The following PARN variants were observed in gnomAD, a reference collection of about 807,000 sequenced individuals.
PARN encodes the protein poly(A)-specific ribonuclease PARN.
Under a neutral mutation model 102.8 loss-of-function variants are expected in PARN, and 71 were observed. The ratio of observed to expected loss-of-function variants is 0.69; its 90% CI spans 0.57 to 0.84. The LOEUF is 0.84. PARN is among the 40% of genes least tolerant of loss of function. PARN has a pLI of 0.00. For missense variants in PARN, 782 were observed against 760.9 expected (o/e 1.03, Z -0.33); for synonymous variants, 261 against 252.9 (o/e 1.03, Z -0.30).
intron 22 of PARN, among the ~76,000 whole-genome samples, chr16:14,479,807 G>A (rs1246054836): frequency 1.3e-5 from 2 of 151,482 alleles, no homozygotes; most frequent in Non-Finnish European, 2.9e-5. Flanking sequence ...GGAAGAATCA[G>A]ATAGTCATAT....
intron 10 of PARN, among the ~76,000 whole-genome samples, 194 bp from the exon 11 acceptor site, chr16:14,604,420 C>A (rs1971065580): frequency 6.6e-6 from 1 of 151,840 alleles, no homozygotes; most frequent in African/African-American, 2.4e-5. Flanking sequence ...GCCACCACAC[C>A]CGGCTAATTT....
At chr16:14,544,132 C>T (rs1737002751) in intron 21 of PARN, among the ~76,000 whole-genome samples, 1 of 152,054 alleles carries the variant, frequency 6.6e-6, no homozygotes, top group Non-Finnish European at 1.5e-5. Context: ...GTGGAGGTTG[C>T]GGTGAGCCAA....
rs754335361 is a variant in PARN at position 14,457,460 on chromosome 16, C to T, written c.1671-10379G>A. 2.6e-5 allele frequency among the ~76,000 whole-genome samples: 4 copies of T among 152,018 alleles called. 1 individual carries two copies. Among genetic ancestry groups the T allele is most frequent in the Non-Finnish European group, 5.9e-5 (4 of 68,008 alleles). On this transcript the variant is annotated intron_variant, in intron 22 of 23. Transcript: ENST00000437198. Reference sequence around the variant, plus strand: ...CCTATGCTCAGTTCAGAAGCCAAACCCTCGGAGATCACTGATAAACCAGGA... The same window carrying T: ...CCTATGCTCAGTTCAGAAGCCAAACTCTCGGAGATCACTGATAAACCAGGA...
intron 5 of PARN, among the ~76,000 whole-genome samples, chr16:14,620,735 A>G (rs1676867246): frequency 6.6e-6 from 1 of 152,208 alleles, no homozygotes; most frequent in Admixed American, 6.6e-5. Context: ...TGAGGTCTCT[A>G]TTCTGGGGAA....
chr16:14,597,913 G>A (rs546882023), intron 12 of PARN, among the ~76,000 whole-genome samples: 2 of 152,084 alleles, frequency 1.3e-5, no homozygotes, highest in Admixed American at 1.3e-4. Context: ...GGAGGCTGAA[G>A]AAGGCAGATT....
At chr16:14,613,391 G>C (rs1295074383) in intron 6 of PARN, among the ~76,000 whole-genome samples, 2 of 151,800 alleles carry the variant, frequency 1.3e-5, no homozygotes, top group Non-Finnish European at 2.9e-5. Context: ...GGAGGCTGAG[G>C]AGGGCGCATC....
At chr16:14,539,734 TA>T (rs1358835236) in intron 21 of PARN, among the ~76,000 whole-genome samples, 3 of 152,218 alleles carry the variant, frequency 2.0e-5, no homozygotes, top group Admixed American at 1.3e-4. Flanking sequence ...CAGACTGAGG[TA>T]TTTTATAAGC....
chr16:14,500,114 A>G (rs1224184561), intron 21 of PARN, among the ~76,000 whole-genome samples: 1 of 152,018 alleles, frequency 6.6e-6, no homozygotes, highest in African/African-American at 2.4e-5. Context: ...GGAGTGTAGT[A>G]GCACAACCAC....
intron 22 of PARN, among the ~76,000 whole-genome samples, chr16:14,466,080 C>A (rs577271439): frequency 6.6e-6 from 1 of 152,190 alleles, no homozygotes; most frequent in East Asian, 1.9e-4. Context: ...ATAATCTGTA[C>A]AACAAACTTC....
chr16:14,456,351 G>A (rs1029400409), intron 22 of PARN, among the ~76,000 whole-genome samples: 1 of 151,724 alleles, frequency 6.6e-6, no homozygotes, highest in Non-Finnish European at 1.5e-5. Context: ...TAATTTTTTT[G>A]TAAGGATGGG....
intron 1 of PARN, 114 bp downstream of exon 1, chr16:14,629,993 C>A (rs1343352533): frequency 1.1e-5 from 11 of 974,672 alleles, no homozygotes; most frequent in Non-Finnish European, 1.7e-5. Flanking sequence ...GGGAAAAGCC[C>A]TGAGGGGCTG....
Position 14,606,523 on chromosome 16 carries a change from A to C in PARN, c.663T>G (p.Tyr221Ter). ...AAGTCTCAACATGAATGCCTTTCGGATACCTAAAGAAAAGAAAAACATAGT... is the reference window on the plus strand; with the variant it reads ...AAGTCTCAACATGAATGCCTTTCGGCTACCTAAAGAAAAGAAAAACATAGT... ...KLIYQTLSWK[Y>*]PKGIHVETLE... Residue 221 changes from tyrosine (Y) to a stop codon, truncating the protein, a stop_gained, in exon 10 of 24, where the codon TAT (tyrosine) becomes TAG (stop). Coordinates refer to ENST00000437198, the MANE Select transcript of PARN (RefSeq NM_002582.4). LOFTEE classifies it high-confidence loss of function. 3 of 1,563,326 alleles carry C rather than the reference A, an allele frequency of 1.9e-6. No homozygotes were observed. Among genetic ancestry groups the C allele is most frequent in the Non-Finnish European group, 2.6e-6 (3 of 1,143,276 alleles).
intron 16 of PARN, among the ~76,000 whole-genome samples, chr16:14,583,276 A>G (rs542968572): frequency 2.6e-5 from 4 of 152,354 alleles, no homozygotes; most frequent in East Asian, 3.9e-4. Flanking sequence ...ATTATATCCT[A>G]GAACCATTCT....
At chr16:14,619,544 T>A (rs1972156185) in intron 5 of PARN, among the ~76,000 whole-genome samples, 1 of 151,964 alleles carries the variant, frequency 6.6e-6, no homozygotes, top group Non-Finnish European at 1.5e-5. Context: ...GGAGGATCGC[T>A]TGAGCCCAAG....
chr16:14,454,972 AAC>A (rs2151565981), intron 22 of PARN, among the ~76,000 whole-genome samples: 1 of 152,362 alleles, frequency 6.6e-6, no homozygotes, highest in African/African-American at 2.4e-5. Context: ...GTATTTCAAT[AAC>A]ACATAAAAAT....
At position 14,436,755 on chromosome 16, in the gene PARN, TG is replaced by T; in HGVS notation, c.1881del (p.Asn627LysfsTer77). On this transcript the variant is annotated frameshift_variant, in exon 24 of 24. Coordinates refer to ENST00000437198, the MANE Select transcript of PARN (RefSeq NM_002582.4). LOFTEE classifies it high-confidence loss of function. The stretch of plus-strand genomic sequence containing the variant: ...GGAACTTCAAAGAGTGTGGCAGGGC[TG>T]TTCTTCGAGATGCTTCCTGGTGGGA... ...ELSPAGSISKNSPATLFEVPD... is the reference protein window; with the variant it reads ...ELSPAGSISKXSPATLFEVPD... The T allele has an allele frequency of 6.3e-7, 1 of 1,595,364 alleles. No homozygotes were observed. The highest frequency in any genetic ancestry group is 8.5e-7 in the Non-Finnish European group (1 of 1,171,032).
intron 21 of PARN, among the ~76,000 whole-genome samples, chr16:14,508,870 G>A (rs556177895): frequency 3.4e-4 from 51 of 150,576 alleles, no homozygotes; most frequent in Non-Finnish European, 6.1e-4. Flanking sequence ...GACTAGCCTG[G>A]GCAACACAGC....
chr16:14,504,287 C>T (rs969433331), intron 21 of PARN, among the ~76,000 whole-genome samples: 12 of 152,266 alleles, frequency 7.9e-5, no homozygotes, highest in Admixed American at 5.2e-4. Flanking sequence ...GAGGCCGGCA[C>T]GGTGGCTCAC....
chr16:14,557,474 T>C (rs1224630345), intron 18 of PARN, among the ~76,000 whole-genome samples: 1 of 150,692 alleles, frequency 6.6e-6, no homozygotes, highest in African/African-American at 2.4e-5. Flanking sequence ...GGAGAATCGC[T>C]TGAACCATGG....
Sources: allele counts gnomAD v4.1 joint callset (sites outside exome capture counted in the v4.1 genomes callset), GRCh38; gene constraint gnomAD v4.1.1; transcripts MANE v1.5; gene names NCBI Gene and HGNC (gene_info 2026-07-23, HGNC 2026-07-21).